CDKL2: variants seen among roughly 807,000 people sequenced by gnomAD.
CDKL2 encodes the protein cyclin dependent kinase like 2.
A neutral mutation model predicts 63.9 loss-of-function variants in CDKL2; 64 were observed. The ratio of observed to expected loss-of-function variants is 1.00; its 90% CI spans 0.82 to 1.23. The LOEUF is 1.23. CDKL2 is among the 50% of genes most tolerant of loss of function. The pLI is 0.00. For synonymous variants in CDKL2, 211 were observed against 229.2 expected (o/e 0.92, Z 0.72); for missense variants, 656 against 668.0 (o/e 0.98, Z 0.20).
At chr4:75,610,577 T>C (rs1258205255) in intron 3 of CDKL2, among the ~76,000 whole-genome samples, 1 of 152,166 alleles carries the variant, frequency 6.6e-6, no homozygotes, top group Non-Finnish European at 1.5e-5. Context: ...AAAAGTCGTT[T>C]AGGGTTCTAC....
intron 6 of CDKL2, among the ~76,000 whole-genome samples, chr4:75,603,603 G>A (rs1378000677): frequency 1.3e-5 from 2 of 150,574 alleles, no homozygotes; most frequent in East Asian, 2.0e-4. Context: ...GGTGGCGAGC[G>A]CCTGTAGTCC....
intron 1 of CDKL2, among the ~76,000 whole-genome samples, chr4:75,627,268 T>TTTGC (rs1730464529): frequency 6.7e-6 from 1 of 149,680 alleles, no homozygotes; most frequent in Non-Finnish European, 1.5e-5. Context: ...GGGGATTTTG[T>TTTGC]TTGTTTGTTT....
In CDKL2 at chr4:75,599,910, T is replaced by G. The variant is rs185913812; in HGVS notation, c.884+371A>C. 4.6e-5 allele frequency among the ~76,000 whole-genome samples: 7 copies of G among 152,278 alleles called. No homozygotes were observed. The East Asian group carries it at 1.4e-3, about 29-fold the overall frequency. ...GCAGTGTCAGCAGTATCAAAGGACT[T>G]GGTGTGGTATGAGTTTGGCAGCAAT... On this transcript the variant is annotated intron_variant, in intron 7 of 13. Coordinates refer to ENST00000307465, the MANE Select transcript of CDKL2 (RefSeq NM_001330724.2).
chr4:75,627,731 CTT>C (rs57328528), intron 1 of CDKL2, among the ~76,000 whole-genome samples: 2 of 85,984 alleles, frequency 2.3e-5, no homozygotes, highest in Non-Finnish European at 4.2e-5. Flanking sequence ...CTTTTTTTTT[CTT>C]TTTTTTTTTT....
At chr4:75,599,060 T>A (rs1211141972) in intron 7 of CDKL2, among the ~76,000 whole-genome samples, 1 of 152,224 alleles carries the variant, frequency 6.6e-6, no homozygotes, top group African/African-American at 2.4e-5. Context: ...TAATTTTTGA[T>A]GCTGTACAAG....
rs1179896815 is a variant in CDKL2, at chr4:75,614,448, TGCTGTTATTAAAAAATGCAAAATA to T, written c.169-23_169del. On this transcript the variant is annotated splice_acceptor_variant and splice_polypyrimidine_tract_variant and coding_sequence_variant and intron_variant, in exon 3 of 14. Transcript: ENST00000307465. LOFTEE classifies it high-confidence loss of function. Reference sequence around the variant, plus strand: ...ATTCACCAAGTTTTCATGCCTAAGTTGCTGTTATTAAAAAATGCAAAATAGCTGTTATTTAAAAATGCAAAATAG... The same window carrying T: ...ATTCACCAAGTTTTCATGCCTAAGTTGCTGTTATTTAAAAATGCAAAATAG... The T allele has an allele frequency of 1.3e-6, 2 of 1,540,400 alleles. No homozygotes were observed. The highest frequency in any genetic ancestry group is 1.4e-5 in the African/African-American group (1 of 72,270).
At chr4:75,591,953 GA>G (rs1194282683) in intron 11 of CDKL2, 28 bp from the exon 12 acceptor site, 1 of 1,491,090 alleles carries the variant, frequency 6.7e-7, no homozygotes, top group Non-Finnish European at 9.0e-7. Context: ...TAAACACAGT[GA>G]AAATATTAGA....
At chr4:75,598,574 T>C (rs1430195233) in intron 7 of CDKL2, among the ~76,000 whole-genome samples, 1 of 144,850 alleles carries the variant, frequency 6.9e-6, no homozygotes, top group African/African-American at 2.6e-5. Flanking sequence ...CCACACATTC[T>C]CAGTTGCTTT....
chr4:75,630,299 C>G lies in CDKL2; in HGVS notation c.-287G>C, dbSNP rs1309294290. The G allele has an allele frequency of 6.5e-6, 1 of 152,724 alleles. No individual in the cohort carries two copies. The highest frequency in any genetic ancestry group is 2.4e-5 in the African/African-American group (1 of 41,462). 9.5% of individuals were successfully genotyped at this position (152,724 alleles called of 1,614,324 possible). On this transcript the variant is annotated 5_prime_UTR_variant, in exon 1 of 14. Coordinates refer to ENST00000307465, the MANE Select transcript of CDKL2 (RefSeq NM_001330724.2). Reference sequence around the variant, plus strand: ...CATGCTGTCGTCGTCAAGGCAACGACCTCACTCTGTCCCCAACCATAGGCA... The same window carrying G: ...CATGCTGTCGTCGTCAAGGCAACGAGCTCACTCTGTCCCCAACCATAGGCA...
At chr4:75,592,092 T>A in intron 11 of CDKL2, 54 bp downstream of exon 11, 1 of 1,467,926 alleles carries the variant, frequency 6.8e-7, no homozygotes, top group Non-Finnish European at 9.0e-7. Flanking sequence ...CTGTCTAACA[T>A]ACATTTTAAA....
intron 3 of CDKL2, among the ~76,000 whole-genome samples, chr4:75,612,967 A>G (rs1409848126): frequency 3.9e-5 from 6 of 152,214 alleles, no homozygotes; most frequent in Non-Finnish European, 7.3e-5. Context: ...TACTAAAAAT[A>G]TAAAAAAATT....
chr4:75,578,754 C>T lies in CDKL2; in HGVS notation c.*448G>A, dbSNP rs1196015836. 6.6e-6 allele frequency: 1 copy of T among 152,574 alleles called. No individual in the cohort carries two copies. The highest frequency in any genetic ancestry group is 1.5e-5 in the Non-Finnish European group (1 of 68,032). 9.5% of individuals were successfully genotyped at this position (152,574 alleles called of 1,614,324 possible). A position where few individuals can be genotyped will look rare whatever the true frequency, so the allele number is the denominator to read the frequency against. On this transcript the variant is annotated 3_prime_UTR_variant, in exon 14 of 14. Coordinates refer to ENST00000307465, the MANE Select transcript of CDKL2 (RefSeq NM_001330724.2). ...TCACCTACCCCCAAGAAACCCACTC[C>T]TAAATAAATGTACACATTTATACAG...
chr4:75,612,015 G>C (rs1000241296), intron 3 of CDKL2, among the ~76,000 whole-genome samples: 4 of 152,018 alleles, frequency 2.6e-5, no homozygotes, highest in Non-Finnish European at 4.4e-5. Flanking sequence ...ATGTTGCCCA[G>C]GCTGGAGGGC....
In CDKL2 at chr4:75,592,244, CA is replaced by C. The variant is rs1190352404; in HGVS notation, c.1441del (p.Trp481GlyfsTer19). On this transcript the variant is annotated frameshift_variant, in exon 11 of 14. Transcript: ENST00000307465. LOFTEE classifies it high-confidence loss of function. The stretch of plus-strand genomic sequence containing the variant: ...GTATTCTCTTCTTTTCTTACTTGCC[CA>C]AAAGAGGTTTTTTTCACTAGAGACC... Reference protein sequence around the residue: ...TLVSSEKNLFWASKKRREYSR... With the variant: ...TLVSSEKNLFXASKKRREYSR... 2.6e-6 allele frequency: 4 copies of C among 1,532,218 alleles called. No individual in the cohort carries two copies. Among genetic ancestry groups the C allele is most frequent in the Non-Finnish European group, 3.5e-6 (4 of 1,145,804 alleles). 94.9% of individuals were successfully genotyped at this position (1,532,218 alleles called of 1,614,324 possible). A position where few individuals can be genotyped will look rare whatever the true frequency, so the allele number is the denominator to read the frequency against.
intron 13 of CDKL2, among the ~76,000 whole-genome samples, chr4:75,581,226 TG>T (rs1728247832): frequency 6.6e-6 from 1 of 152,220 alleles, no homozygotes; most frequent in Non-Finnish European, 1.5e-5. Context: ...CATAGTGCAA[TG>T]CATTACCTTT....
In CDKL2 at chr4:75,595,956, GGAAGGAAGGAAGGAAGGAAA is replaced by G. The variant is rs775558511; in HGVS notation, c.1416+271_1416+290del. On this transcript the variant is annotated intron_variant, in intron 10 of 13. Transcript: ENST00000307465. ...AAAAAAGAAAAGAAAAAGAAAGAGA[GGAAGGAAGGAAGGAAGGAAA>G]GAAGGAAGGAAGGAAGGAAGGAAGG... 314 of 173,774 alleles carry G rather than the reference GGAAGGAAGGAAGGAAGGAAA, an allele frequency of 1.8e-3. 20 individuals carry two copies. Among genetic ancestry groups the G allele is most frequent in the East Asian group, 4.0e-3 (10 of 2,490 alleles). 10.8% of individuals were successfully genotyped at this position (173,774 alleles called of 1,614,324 possible). A position where few individuals can be genotyped will look rare whatever the true frequency, so the allele number is the denominator to read the frequency against.
Position 75,625,589 on chromosome 4 carries a change from C to T in CDKL2, c.168+232G>A, listed in dbSNP as rs546412240. Among the ~76,000 whole-genome samples, 13 of 152,230 alleles carry T rather than the reference C, an allele frequency of 8.5e-5. No individual in the cohort carries two copies. In the East Asian group the frequency reaches 2.5e-3, roughly 29 times the overall value. ...ATAAAGAACAAAAATTAATGCTATT[C>T]CTCCTAACAAGTCATCAAATCTGGG... On this transcript the variant is annotated intron_variant, in intron 2 of 13. Coordinates refer to ENST00000307465, the MANE Select transcript of CDKL2 (RefSeq NM_001330724.2).
chr4:75,605,769 A>C (rs190976645), intron 4 of CDKL2, 135 bp from the exon 5 acceptor site: 24 of 610,068 alleles, frequency 3.9e-5, no homozygotes. Flanking sequence ...CAGATTTGGC[A>C]TGCTCCAATG....
intron 5 of CDKL2, among the ~76,000 whole-genome samples, chr4:75,604,751 G>T (rs1407376218): frequency 1.3e-5 from 2 of 152,218 alleles, no homozygotes; most frequent in Non-Finnish European, 2.9e-5. Flanking sequence ...CTCTCTACAT[G>T]TAATTAACGG....
Sources: gnomAD v4.1 joint callset for allele counts (sites outside exome capture counted in the v4.1 genomes callset) on GRCh38, gnomAD v4.1.1 for gene constraint, MANE v1.5 for transcripts, NCBI Gene and HGNC (gene_info 2026-07-23, HGNC 2026-07-21) for gene names.